Variants in MAGI1 observed in about 807,000 individuals in gnomAD.
MAGI1 encodes membrane-associated guanylate kinase, WW and PDZ domain-containing protein 1.
MAGI1 carries 58 observed loss-of-function variants against 139.9 expected under a neutral mutation model. The observed-to-expected ratio is 0.41, with a 90% CI of 0.34 to 0.52. The LOEUF (loss-of-function observed/expected upper bound fraction) is 0.52. MAGI1 is among the 20% of genes least tolerant of loss of function. The probability of loss-of-function intolerance (pLI) is 0.12; values close to 1 mark genes in which losing one functional copy is unlikely to be tolerated. For synonymous variants in MAGI1, 812 were observed against 737.9 expected (o/e 1.10, Z -1.63); for missense variants, 1,874 against 1,901.6 (o/e 0.99, Z 0.27).
Position 65,807,339 on chromosome 3 carries a change from T to C in MAGI1, c.314-185251A>G, listed in dbSNP as rs186089704. 4.8e-4 allele frequency among the ~76,000 whole-genome samples: 73 copies of C among 152,238 alleles called. 1 individual carries two copies. The highest frequency in any genetic ancestry group is 2.2e-3 in the Admixed American group (33 of 15,298). ...AGAGCTTTCTTACTGTACATTGACA[T>C]ATAGGAAGGACAAAAAGGGACCGGC... On this transcript the variant is annotated intron_variant, in intron 1 of 22. Coordinates refer to ENST00000402939, the MANE Select transcript of MAGI1 (RefSeq NM_001033057.2).
chr3:65,645,948 A>T (rs1411353226), intron 1 of MAGI1, among the ~76,000 whole-genome samples: 1 of 152,084 alleles, frequency 6.6e-6, no homozygotes, highest in Non-Finnish European at 1.5e-5. Flanking sequence ...ATAGAATGCT[A>T]ATAAATGCTC....
chr3:65,779,202 C>T (rs758095749), intron 1 of MAGI1, among the ~76,000 whole-genome samples: 2 of 152,176 alleles, frequency 1.3e-5, no homozygotes, highest in Non-Finnish European at 2.9e-5. Context: ...ATTAAGTTTA[C>T]GCTTCAGTAC....
chr3:65,508,727 A>C (rs1291238467), intron 2 of MAGI1, among the ~76,000 whole-genome samples: 1 of 152,260 alleles, frequency 6.6e-6, no homozygotes, highest in Non-Finnish European at 1.5e-5. Context: ...CATTAAAAGG[A>C]AATGGATACC....
chr3:65,514,809 G>A (rs2077779599), intron 2 of MAGI1, among the ~76,000 whole-genome samples: 1 of 148,192 alleles, frequency 6.7e-6, no homozygotes, highest in Non-Finnish European at 1.5e-5. Context: ...CCATTACTGG[G>A]TGTATACCCA....
At chr3:65,928,007 T>C (rs2062606124) in intron 1 of MAGI1, among the ~76,000 whole-genome samples, 2 of 152,238 alleles carry the variant, frequency 1.3e-5, no homozygotes, top group South Asian at 2.1e-4. Context: ...GTCCCTTCAG[T>C]ATACATAATC....
intron 2 of MAGI1, among the ~76,000 whole-genome samples, chr3:65,621,318 G>A (rs553935071): frequency 6.6e-6 from 1 of 152,326 alleles, no homozygotes; most frequent in African/African-American, 2.4e-5. Flanking sequence ...TAGACAGACA[G>A]GCTGCCTTTC....
At chr3:65,730,951 T>A (rs750968647) in intron 1 of MAGI1, among the ~76,000 whole-genome samples, 1 of 146,468 alleles carries the variant, frequency 6.8e-6, no homozygotes, top group African/African-American at 2.5e-5. Context: ...GTTACCTCCA[T>A]TGTAGTTTTG....
At chr3:65,598,218 A>G (rs2082317657) in intron 2 of MAGI1, among the ~76,000 whole-genome samples, 1 of 147,780 alleles carries the variant, frequency 6.8e-6, no homozygotes. Context: ...AGGGGGCTGC[A>G]CCTGCGGAGG....
At chr3:65,911,304 A>G (rs1352829029) in intron 1 of MAGI1, among the ~76,000 whole-genome samples, 1 of 151,836 alleles carries the variant, frequency 6.6e-6, no homozygotes, top group African/African-American at 2.4e-5. Flanking sequence ...TTGTCCATGG[A>G]ATTTGAATCT....
At chr3:65,622,882 T>C (rs376527589) in intron 1 of MAGI1, among the ~76,000 whole-genome samples, 9 of 152,128 alleles carry the variant, frequency 5.9e-5, no homozygotes, top group Admixed American at 1.3e-4. Context: ...ATAGCTTTTT[T>C]TATGACGGTA....
intron 10 of MAGI1, among the ~76,000 whole-genome samples, chr3:65,431,613 A>C (rs1292250912): frequency 6.6e-6 from 1 of 151,856 alleles, no homozygotes; most frequent in Non-Finnish European, 1.5e-5. Context: ...AACCCCCCCC[A>C]CAACACACAC....
intron 22 of MAGI1, chr3:65,359,933 G>T (rs1559882703): frequency 1.0e-6 from 1 of 985,250 alleles, no homozygotes; most frequent in Non-Finnish European, 1.2e-6. Context: ...AGTTTCAGTG[G>T]TATCAATACA....
chr3:65,447,083 T>C (rs2107463668), intron 7 of MAGI1, among the ~76,000 whole-genome samples: 1 of 152,334 alleles, frequency 6.6e-6, no homozygotes, highest in South Asian at 2.1e-4. Flanking sequence ...GATTCAATAA[T>C]CTTAGTACAG....
chr3:65,604,439 T>G (rs1055861387), intron 2 of MAGI1, among the ~76,000 whole-genome samples: 5 of 152,206 alleles, frequency 3.3e-5, no homozygotes, highest in African/African-American at 1.2e-4. Context: ...TCTGATGCTT[T>G]TTAAATTGGC....
intron 1 of MAGI1, among the ~76,000 whole-genome samples, chr3:65,731,226 C>A (rs572997530): frequency 4.1e-4 from 62 of 152,170 alleles, no homozygotes; most frequent in African/African-American, 1.5e-3. Flanking sequence ...AGCTTTGGAG[C>A]AAATATGGGA....
chr3:65,462,541 G>C (rs9968238), intron 5 of MAGI1, among the ~76,000 whole-genome samples: 82,087 of 152,000 alleles, frequency 0.54, 23,569 homozygotes, highest in East Asian at 0.94. Flanking sequence ...ATAGTTTAAA[G>C]TCAGATAGCA....
chr3:65,911,018 CG>C (rs919373577), intron 1 of MAGI1, among the ~76,000 whole-genome samples: 1 of 151,432 alleles, frequency 6.6e-6, no homozygotes, highest in African/African-American at 2.4e-5. Context: ...CCAGCACACC[CG>C]GCTAATTTTT....
chr3:65,453,976 G>C (rs1949210623), intron 5 of MAGI1, among the ~76,000 whole-genome samples: 1 of 152,214 alleles, frequency 6.6e-6, no homozygotes, highest in Non-Finnish European at 1.5e-5. Context: ...CCTTTTAAGG[G>C]ATAAAGTTCA....
intron 1 of MAGI1, among the ~76,000 whole-genome samples, chr3:65,773,835 T>C (rs1438532217): frequency 6.6e-6 from 1 of 152,208 alleles, no homozygotes; most frequent in Admixed American, 6.5e-5. Flanking sequence ...TTAATGACTT[T>C]TTTAATTCGA....
Sources: allele counts gnomAD v4.1 joint callset (sites outside exome capture counted in the v4.1 genomes callset), GRCh38; gene constraint gnomAD v4.1.1; transcripts MANE v1.5; gene names NCBI Gene and HGNC (gene_info 2026-07-23, HGNC 2026-07-21).